The following ECM2 variants were observed in gnomAD, a reference collection of about 807,000 sequenced individuals.
The protein encoded by ECM2 is extracellular matrix protein 2.
In ECM2, 57 loss-of-function variants were observed where a neutral mutation model predicts 67.5. The observed-to-expected ratio is 0.84, with a 90% CI of 0.68 to 1.05. The LOEUF (loss-of-function observed/expected upper bound fraction) is 1.05, where lower values mean the gene tolerates loss of function less well. Among genes scored for constraint, ECM2 ranks in the 50% least tolerant of loss-of-function variants. ECM2 has a pLI of 0.00. For synonymous variants in ECM2, 258 were observed against 294.5 expected, an observed-to-expected ratio of 0.88 and a Z score of 1.27; for missense variants, 741 against 822.8, an observed-to-expected ratio of 0.90 and a Z score of 1.22.
chr9:92,529,651 G>C (rs1328523583), intron 1 of ECM2, among the ~76,000 whole-genome samples: 4 of 152,154 alleles, frequency 2.6e-5, no homozygotes, highest in Non-Finnish European at 4.4e-5. Flanking sequence ...ATCAAGCCAT[G>C]AAAATACATG....
chr9:92,525,591 A>G (rs1384572905), intron 1 of ECM2, among the ~76,000 whole-genome samples: 2 of 152,192 alleles, frequency 1.3e-5, no homozygotes. Flanking sequence ...ACTTCCAGTC[A>G]TATAAAAATA....
At chr9:92,546,504 C>T in the ECM2 span, among the ~76,000 whole-genome samples, 1 of 152,174 alleles carries the variant, frequency 6.6e-6, no homozygotes, top group African/African-American at 2.4e-5. Context: ...AAAAGAACAA[C>T]TCCAGACGCA....
At chr9:92,527,392 T>C (rs1257948271) in intron 1 of ECM2, among the ~76,000 whole-genome samples, 2 of 152,218 alleles carry the variant, frequency 1.3e-5, no homozygotes, top group Non-Finnish European at 2.9e-5. Flanking sequence ...TACAGGTTTG[T>C]AGCCTAGGAG....
rs769235865 is a variant in ECM2, at chr9:92,496,292, A to G, written c.*23T>C. The G allele has an allele frequency of 6.4e-7, 1 of 1,561,218 alleles. No individual in the cohort carries two copies. The highest frequency in any genetic ancestry group is 8.6e-7 in the Non-Finnish European group (1 of 1,162,126). Reference sequence around the variant, plus strand: ...CTACAAATACATGAGTAAAGTTTATAAACAGCAAAGGAAAACTTGGAATTA... The same window carrying G: ...CTACAAATACATGAGTAAAGTTTATGAACAGCAAAGGAAAACTTGGAATTA... On this transcript the variant is annotated 3_prime_UTR_variant, in exon 10 of 10. Coordinates refer to ENST00000344604, the MANE Select transcript of ECM2 (RefSeq NM_001393.4).
the ECM2 span, among the ~76,000 whole-genome samples, chr9:92,549,198 G>A: frequency 1.1e-3 from 174 of 152,308 alleles, no homozygotes; most frequent in African/African-American, 3.9e-3. Flanking sequence ...TTGTTCTGTT[G>A]TGCTCCAGAG....
chr9:92,509,959 A>G lies in ECM2; in HGVS notation c.1246T>C (p.Leu416=), dbSNP rs1047414425. 2 of 1,611,218 alleles carry G rather than the reference A, an allele frequency of 1.2e-6. No homozygotes were observed. The highest frequency in any genetic ancestry group is 1.7e-6 in the Non-Finnish European group (2 of 1,179,444). Residue 416 remains leucine, a synonymous_variant, in exon 6 of 10, where the codon TTA becomes CTA. Transcript: ENST00000344604. The part of the protein sequence containing the change: ...IQIPSQLPST[L]EELKVNENNL... ...TTCTCATTGACTTTAAGTTCTTCTA[A>G]TGTAGATGGCAATTGTGAAGGAATC...
intron 1 of ECM2, among the ~76,000 whole-genome samples, 184 bp from the exon 2 acceptor site, chr9:92,523,077 A>C (rs1239421865): frequency 6.6e-6 from 1 of 151,788 alleles, no homozygotes; most frequent in East Asian, 1.9e-4. Context: ...AGAATCAAAA[A>C]ACTTTTTTTT....
At chr9:92,557,321 A>T in the ECM2 span, among the ~76,000 whole-genome samples, 28 of 152,280 alleles carry the variant, frequency 1.8e-4, no homozygotes, top group African/African-American at 6.3e-4. Flanking sequence ...TTTTGCGATG[A>T]ATTTCCCAGG....
chr9:92,501,583 C>A (rs1257275158), intron 8 of ECM2, among the ~76,000 whole-genome samples: 1 of 152,202 alleles, frequency 6.6e-6, no homozygotes. Flanking sequence ...TGTTAATCAT[C>A]TAGAAGATCT....
At chr9:92,508,580 C>T (rs1048010170) in intron 6 of ECM2, among the ~76,000 whole-genome samples, 1 of 152,192 alleles carries the variant, frequency 6.6e-6, no homozygotes, top group Non-Finnish European at 1.5e-5. Flanking sequence ...ATTGCTGACA[C>T]CCTTTGGTCT....
chr9:92,522,891 T>C lies in ECM2; in HGVS notation c.-25A>G. ...TGTTTGATTTTTTTCCACCAGCCAA[T>C]TTCTAGAATGAAACAATATTTCAAA... On this transcript the variant is annotated splice_region_variant and 5_prime_UTR_variant, in exon 2 of 10. Transcript: ENST00000344604. 1 of 1,573,678 alleles carries C rather than the reference T, an allele frequency of 6.4e-7. No homozygotes were observed. The highest frequency in any genetic ancestry group is 1.7e-4 in the Middle Eastern group (1 of 5,858).
At chr9:92,549,409 G>A in the ECM2 span, among the ~76,000 whole-genome samples, 1 of 152,158 alleles carries the variant, frequency 6.6e-6, no homozygotes. Flanking sequence ...CACTTTGGGA[G>A]GCCGAGACGG....
At chr9:92,532,042 T>TTTTTTTTTTTTTTTTTA (rs1563990376) in intron 1 of ECM2, among the ~76,000 whole-genome samples, 1 of 144,554 alleles carries the variant, frequency 6.9e-6, no homozygotes, top group African/African-American at 2.7e-5. Flanking sequence ...TTATTTTTTT[T>TTTTTTTTTTTTTTTTTA]TTGAGATGAG....
rs80319347 is a variant in ECM2 at position 92,523,015 on chromosome 9, G to A, written c.-27-122C>T. 285 of 916,578 alleles carry A rather than the reference G, an allele frequency of 3.1e-4. 2 individuals are homozygous for A. In the East Asian group the frequency reaches 7.4e-3, roughly 24 times the overall value. 56.8% of individuals were successfully genotyped at this position (916,578 alleles called of 1,614,324 possible). On this transcript the variant is annotated intron_variant, in intron 1 of 9. Transcript: ENST00000344604. ...TTGAGAAATTACACTTATGATATATGGACTATATGCTATAGTATTATTGCC... is the reference window on the plus strand; with the variant it reads ...TTGAGAAATTACACTTATGATATATAGACTATATGCTATAGTATTATTGCC...
At position 92,509,910 on chromosome 9, in the gene ECM2, T is replaced by C. The variant is rs1233635342; in HGVS notation, c.1295A>G (p.Glu432Gly). The C allele has an allele frequency of 1.9e-6, 3 of 1,603,792 alleles. No individual in the cohort carries two copies. The highest frequency in any genetic ancestry group is 4.5e-5 in the East Asian group (2 of 44,762). Residue 432 changes from glutamate (E) to glycine (G), a missense_variant, in exon 6 of 10, where the codon GAA (glutamate) becomes GGA (glycine). Coordinates refer to ENST00000344604, the MANE Select transcript of ECM2 (RefSeq NM_001393.4). ...CAAATATTAAATACCTGATAAACTTTCTTCATCGATAGCCTGAAGATTGTT... is the reference window on the plus strand; with the variant it reads ...CAAATATTAAATACCTGATAAACTTCCTTCATCGATAGCCTGAAGATTGTT... ...NENNLQAIDE[E>G]SLSDLNQLVT...
rs568291301 is a variant in ECM2, at chr9:92,527,094, C to T, written c.-27-4201G>A. ...CACCATCTCAGCTCACTGCAACCTC[C>T]GCTTCCTGGGCTCGAGCCAATCTCA... is the stretch of plus-strand genomic sequence containing the variant. On this transcript the variant is annotated intron_variant, in intron 1 of 9. Transcript: ENST00000344604. 1.8e-4 allele frequency among the ~76,000 whole-genome samples: 27 copies of T among 152,268 alleles called. No individual in the cohort carries two copies. In the South Asian group the frequency reaches 3.5e-3, roughly 20 times the overall value.
intron 2 of ECM2, among the ~76,000 whole-genome samples, chr9:92,518,081 G>A (rs1451283321): frequency 6.6e-6 from 1 of 152,140 alleles, no homozygotes; most frequent in Non-Finnish European, 1.5e-5. Flanking sequence ...CTTTCACGTA[G>A]GCTCTAAGAG....
chr9:92,527,619 A>G (rs1055860482), intron 1 of ECM2, among the ~76,000 whole-genome samples: 8 of 152,202 alleles, frequency 5.3e-5, no homozygotes, highest in African/African-American at 1.7e-4. Context: ...TTCCAAGGGT[A>G]TCTAAACTGA....
At chr9:92,494,116 T>G (rs375600278), downstream of ECM2, 2 of 1,597,898 alleles carry the variant, frequency 1.3e-6, no homozygotes, top group Non-Finnish European at 1.7e-6. Flanking sequence ...CTGATCTGTT[T>G]GTCACTGTCT....
Sources: allele counts gnomAD v4.1 joint callset (sites outside exome capture counted in the v4.1 genomes callset), GRCh38; gene constraint gnomAD v4.1.1; transcripts MANE v1.5; gene names NCBI Gene and HGNC (gene_info 2026-07-23, HGNC 2026-07-21).